SHISAL2A: variants seen among roughly 807,000 people sequenced by gnomAD.
SHISAL2A encodes protein shisa-like-2A.
A neutral mutation model predicts 11.5 loss-of-function variants in SHISAL2A; 18 were observed. That is an observed-to-expected ratio of 1.57 (90% CI 1.08 to 2.33). SHISAL2A has a LOEUF of 2.33. Ranked by LOEUF, SHISAL2A falls within the 30% of genes most tolerant of loss-of-function variation. SHISAL2A has a pLI of 0.00. For synonymous variants in SHISAL2A, 94 were observed against 99.6 expected, an observed-to-expected ratio of 0.94 and a Z score of 0.34; for missense variants, 261 against 250.9, an observed-to-expected ratio of 1.04 and a Z score of -0.27.
chr1:52,668,964 C>CA (rs1692061521), exon 6 of SHISAL2A: 1 of 152,236 alleles, frequency 6.6e-6, no homozygotes. Context: ...GCCCTCTGGG[C>CA]AGCCCCTGAA....
intron 2 of SHISAL2A, among the ~76,000 whole-genome samples, chr1:52,645,032 A>AAAGAAG (rs1168355517): frequency 6.6e-6 from 1 of 150,976 alleles, no homozygotes; most frequent in African/African-American, 2.5e-5. Context: ...AAAAAAAAAA[A>AAAGAAG]AAGAAGAAGA....
intron 4 of SHISAL2A, among the ~76,000 whole-genome samples, chr1:52,666,629 G>A (rs1475461854): frequency 6.6e-6 from 1 of 151,934 alleles, no homozygotes; most frequent in Non-Finnish European, 1.5e-5. Context: ...CTTACTATAT[G>A]CTGAGCATTG....
chr1:52,654,789 TATTCATCAAAGTTCAA>T (rs1241883351), intron 2 of SHISAL2A, among the ~76,000 whole-genome samples: 3 of 152,220 alleles, frequency 2.0e-5, no homozygotes, highest in Non-Finnish European at 4.4e-5. Flanking sequence ...GATAAGCCAG[TATTCATCAAAGTTCAA>T]AATTTTAATG....
intron 2 of SHISAL2A, among the ~76,000 whole-genome samples, chr1:52,654,259 A>AGATG (rs755707698): frequency 7.1e-6 from 1 of 141,228 alleles, no homozygotes; most frequent in Non-Finnish European, 1.5e-5. Context: ...ATAGATAGAT[A>AGATG]GACAGATAGA....
chr1:52,647,560 T>C (rs1434008323), intron 2 of SHISAL2A, among the ~76,000 whole-genome samples: 1 of 152,012 alleles, frequency 6.6e-6, no homozygotes, highest in East Asian at 1.9e-4. Flanking sequence ...AAATGATACA[T>C]CCAGGCCAGG....
intron 1 of SHISAL2A, among the ~76,000 whole-genome samples, chr1:52,639,079 A>C (rs1691300357): frequency 6.6e-6 from 1 of 152,170 alleles, no homozygotes; most frequent in South Asian, 2.1e-4. Context: ...AGGCTGAGGC[A>C]GGAGGATCAC....
At chr1:52,661,557 C>T (rs1488843287), downstream of SHISAL2A, among the ~76,000 whole-genome samples, 2 of 152,300 alleles carry the variant, frequency 1.3e-5, no homozygotes, top group East Asian at 1.9e-4. Flanking sequence ...ATGCCTTGCT[C>T]GGTCCCAGAA....
intron 4 of SHISAL2A, among the ~76,000 whole-genome samples, chr1:52,664,970 G>A (rs569967915): frequency 6.6e-6 from 1 of 152,188 alleles, no homozygotes; most frequent in African/African-American, 2.4e-5. Context: ...TGTATTTTTA[G>A]TAGAGACGAG....
Position 52,633,560 on chromosome 1 carries a change from C to T in SHISAL2A, c.67C>T (p.Arg23Trp), listed in dbSNP as rs1691175036. 9.9e-6 allele frequency: 16 copies of T among 1,610,464 alleles called. No homozygotes were observed. The highest frequency in any genetic ancestry group is 1.4e-5 in the Non-Finnish European group (16 of 1,178,606). ...GGTGGTGCGCGGCTTCAGCTGCCCG[C>T]GGCCGGGGGGCGAGGCGGCCGCTGT... ...QEVVRGFSCP[R>W]PGGEAAAVFC... Residue 23 changes from arginine (R) to tryptophan (W), a missense_variant, in exon 1 of 3, where the codon CGG becomes TGG. Coordinates refer to ENST00000517870, the MANE Select transcript of SHISAL2A (RefSeq NM_001042693.3). The surrounding 1 kb of genome is among the most constrained non-coding windows in gnomAD (Gnocchi z 6.4).
At chr1:52,645,717 C>CTT (rs920724370) in intron 2 of SHISAL2A, among the ~76,000 whole-genome samples, 2 of 152,120 alleles carry the variant, frequency 1.3e-5, no homozygotes, top group African/African-American at 4.8e-5. Flanking sequence ...CTGGTTTCAA[C>CTT]TTTTATAGAG....
At chr1:52,659,022 TG>T (rs1264910479), downstream of SHISAL2A, among the ~76,000 whole-genome samples, 12 of 148,786 alleles carry the variant, frequency 8.1e-5, no homozygotes, top group Admixed American at 1.4e-4. Flanking sequence ...TTGTTGTTGT[TG>T]GTGGTGGTGG....
chr1:52,645,385 T>A (rs927241999), intron 2 of SHISAL2A, among the ~76,000 whole-genome samples: 1 of 151,892 alleles, frequency 6.6e-6, no homozygotes, highest in Non-Finnish European at 1.5e-5. Context: ...CAGAGACAAC[T>A]GAGGCTTCAA....
At chr1:52,661,423 G>A (rs1326875239), downstream of SHISAL2A, among the ~76,000 whole-genome samples, 3 of 152,170 alleles carry the variant, frequency 2.0e-5, no homozygotes, top group Non-Finnish European at 4.4e-5. Context: ...TCCGGTCAGG[G>A]GGAGGCCATT....
chr1:52,658,655 T>C (rs1215577198), downstream of SHISAL2A, among the ~76,000 whole-genome samples: 2 of 152,268 alleles, frequency 1.3e-5, no homozygotes, highest in Non-Finnish European at 2.9e-5. Context: ...ATTATTATTA[T>C]TTTTAACATG....
At chr1:52,653,927 C>A (rs1197788297) in intron 2 of SHISAL2A, among the ~76,000 whole-genome samples, 1 of 151,970 alleles carries the variant, frequency 6.6e-6, no homozygotes, top group African/African-American at 2.4e-5. Context: ...GAAGTAGTAA[C>A]CGAGATCCAG....
downstream of SHISAL2A, among the ~76,000 whole-genome samples, chr1:52,660,334 C>A (rs149561457): frequency 5.3e-5 from 8 of 152,250 alleles, no homozygotes; most frequent in East Asian, 1.5e-3. Flanking sequence ...CCAACAGCTC[C>A]TCTCCTTTGA....
At chr1:52,657,169 G>A (rs1217970931), downstream of SHISAL2A, 22 of 1,283,888 alleles carry the variant, frequency 1.7e-5, no homozygotes, top group East Asian at 2.3e-5. Context: ...CAGCCCTGCT[G>A]TGGACCCTGC....
At chr1:52,652,444 GT>G (rs1056218435) in intron 2 of SHISAL2A, among the ~76,000 whole-genome samples, 7 of 152,026 alleles carry the variant, frequency 4.6e-5, no homozygotes, top group African/African-American at 1.4e-4. Flanking sequence ...TAACAAACAA[GT>G]TTTTTTGTTT....
At chr1:52,637,648 G>A (rs900350220) in intron 1 of SHISAL2A, among the ~76,000 whole-genome samples, 10 of 152,214 alleles carry the variant, frequency 6.6e-5, no homozygotes, top group Non-Finnish European at 1.5e-4. Context: ...TGGTCAGACC[G>A]TGTCTACAGC....
Sources: gnomAD v4.1 joint callset for allele counts (sites outside exome capture counted in the v4.1 genomes callset) on GRCh38, gnomAD v4.1.1 for gene constraint, Gnocchi (gnomAD v3.1) non-coding constraint, MANE v1.5 for transcripts, NCBI Gene and HGNC (gene_info 2026-07-23, HGNC 2026-07-21) for gene names.